The following NRG1 variants were observed in gnomAD, a reference collection of about 807,000 sequenced individuals.
NRG1 encodes neuregulin 1.
NRG1 carries 18 observed loss-of-function variants against 63.8 expected under a neutral mutation model. The observed-to-expected ratio is 0.28, with a 90% CI of 0.19 to 0.42. The LOEUF (loss-of-function observed/expected upper bound fraction) is 0.42. NRG1 is among the 10% of genes least tolerant of loss of function. The pLI is 1.00. For synonymous variants in NRG1, 302 were observed against 301.3 expected, an observed-to-expected ratio of 1.00 and a Z score of -0.02; for missense variants, 762 against 814.7, an observed-to-expected ratio of 0.94 and a Z score of 0.79.
chr8:32,549,353 G>T lies in NRG1; in HGVS notation c.100+527G>T, dbSNP rs1833686174. On this transcript the variant is annotated intron_variant, in intron 1 of 11. Transcript: ENST00000356819. ...GGGAAGTTAGCTTCGGCGTTTTGGG[G>T]CACAGGGCAAGCGATGTAGAGTGCG... 2.0e-5 allele frequency among the ~76,000 whole-genome samples: 3 copies of T among 152,232 alleles called. 1 individual carries two copies. The highest frequency in any genetic ancestry group is 7.2e-5 in the African/African-American group (3 of 41,468).
At chr8:32,062,979 A>G (rs1824138716) in intron 1 of NRG1, 1 of 152,102 alleles carries the variant, frequency 6.6e-6, no homozygotes, top group South Asian at 2.1e-4. Context: ...ACTACATGTG[A>G]GAAAGGTGGA....
At chr8:32,099,044 A>T (rs961426806) in intron 1 of NRG1, among the ~76,000 whole-genome samples, 1 of 152,340 alleles carries the variant, frequency 6.6e-6, no homozygotes, top group Admixed American at 6.5e-5. Context: ...GTGAGGAAAG[A>T]AAGCCATATT....
At chr8:32,055,057 T>A (rs958472036) in intron 1 of NRG1, among the ~76,000 whole-genome samples, 1 of 151,516 alleles carries the variant, frequency 6.6e-6, no homozygotes, top group Non-Finnish European at 1.5e-5. Flanking sequence ...CTGGCTAATT[T>A]TTTTGTATTT....
intron 1 of NRG1, among the ~76,000 whole-genome samples, chr8:32,470,555 C>A (rs895183261): frequency 6.6e-6 from 1 of 152,002 alleles, no homozygotes; most frequent in African/African-American, 2.4e-5. Context: ...GAGTTTCAAC[C>A]TTTTTATTCT....
chr8:32,616,526 T>C (rs1265014454), intron 4 of NRG1, among the ~76,000 whole-genome samples: 1 of 152,182 alleles, frequency 6.6e-6, no homozygotes, highest in Non-Finnish European at 1.5e-5. Flanking sequence ...ATTTTCTTTC[T>C]CACCTGTGGT....
chr8:32,761,051 T>G (rs1338487753), intron 11 of NRG1: 1 of 952,132 alleles, frequency 1.1e-6, no homozygotes, highest in Non-Finnish European at 1.3e-6. Flanking sequence ...GGCCCTTTAT[T>G]CCAGAATGTT....
In NRG1 at chr8:31,748,584, T is replaced by G. The variant is rs189188178; in HGVS notation, c.37+109153T>G. Among the ~76,000 whole-genome samples the G allele has an allele frequency of 3.1e-3, 473 of 152,028 alleles. 4 individuals carry two copies. The highest frequency in any genetic ancestry group is 9.9e-3 in the African/African-American group (411 of 41,530). On this transcript the variant is annotated intron_variant, in intron 1 of 10. Coordinates refer to the NRG1 transcript ENST00000519301. The stretch of plus-strand genomic sequence containing the variant: ...TAATATTATGGCTGACCTAGAGCAG[T>G]GACATTTTTAGTCCAAGACCTAGAT...
Position 32,735,612 on chromosome 8 carries a change from C to T in NRG1, c.633-7063C>T, listed in dbSNP as rs77972782. Reference sequence around the variant, plus strand: ...GAAAACCAAACCACAAATTAGCAGTCGATATGTCATTGTGTCACAATGACG... The same window carrying T: ...GAAAACCAAACCACAAATTAGCAGTTGATATGTCATTGTGTCACAATGACG... On this transcript the variant is annotated intron_variant, in intron 6 of 11. Coordinates refer to ENST00000356819, the Ensembl canonical transcript of NRG1. Among the ~76,000 whole-genome samples, 713 of 152,094 alleles carry T rather than the reference C, an allele frequency of 4.7e-3. 6 individuals carry two copies. The highest frequency in any genetic ancestry group is 0.016 in the African/African-American group (676 of 41,496).
chr8:31,869,794 C>A (rs969172645), intron 1 of NRG1, among the ~76,000 whole-genome samples: 1 of 152,168 alleles, frequency 6.6e-6, no homozygotes, highest in Non-Finnish European at 1.5e-5. Context: ...AAAAGCCCAT[C>A]AGGGCAGGTT....
chr8:32,069,812 G>A (rs1825483331), intron 1 of NRG1, among the ~76,000 whole-genome samples: 1 of 152,144 alleles, frequency 6.6e-6, no homozygotes, highest in African/African-American at 2.4e-5. Context: ...ACCTGAGAAT[G>A]ACTTTTCTAG....
In NRG1 at chr8:32,478,026, A is replaced by G. The variant is rs1419222190; in HGVS notation, c.38-117802A>G. Among the ~76,000 whole-genome samples the G allele has an allele frequency of 2.0e-5, 3 of 152,348 alleles. No homozygotes were observed. In the Middle Eastern group the frequency reaches 0.01, roughly 518 times the overall value. On this transcript the variant is annotated intron_variant, in intron 1 of 10. Transcript: ENST00000519301. Reference sequence around the variant, plus strand: ...AAATCACGACAGATAATAAATCTCTATATACTTCTCATCCTCTGGAACAAT... The same window carrying G: ...AAATCACGACAGATAATAAATCTCTGTATACTTCTCATCCTCTGGAACAAT...
chr8:32,712,015 TA>T (rs1425735802), intron 5 of NRG1, among the ~76,000 whole-genome samples: 8 of 152,146 alleles, frequency 5.3e-5, no homozygotes, highest in African/African-American at 1.9e-4. Context: ...GCGTAGGTAA[TA>T]ACTTATTATT....
intron 1 of NRG1, among the ~76,000 whole-genome samples, chr8:32,399,797 G>C (rs1812934283): frequency 6.6e-6 from 1 of 152,132 alleles, no homozygotes; most frequent in Admixed American, 6.5e-5. Context: ...CAAATATCAG[G>C]TATTATAGGG....
chr8:32,040,820 TA>T (rs561340379), intron 1 of NRG1, among the ~76,000 whole-genome samples: 45 of 137,698 alleles, frequency 3.3e-4, no homozygotes, highest in South Asian at 1.4e-3. Flanking sequence ...AGTACCAAGA[TA>T]TTTTTTTCAG....
intron 1 of NRG1, among the ~76,000 whole-genome samples, chr8:31,885,296 T>C (rs1249589341): frequency 6.6e-6 from 1 of 152,056 alleles, no homozygotes; most frequent in Non-Finnish European, 1.5e-5. Context: ...AAATGAATAG[T>C]TACTGGAGGA....
intron 1 of NRG1, among the ~76,000 whole-genome samples, chr8:32,008,314 C>A (rs143061560): frequency 6.0e-4 from 91 of 152,080 alleles, no homozygotes; most frequent in African/African-American, 2.0e-3. Flanking sequence ...GAGGCCCAGA[C>A]ACCAAGGAGC....
intron 1 of NRG1, among the ~76,000 whole-genome samples, chr8:32,390,808 C>A (rs914635603): frequency 6.6e-6 from 1 of 151,924 alleles, no homozygotes; most frequent in East Asian, 1.9e-4. Context: ...TATTCCCATT[C>A]GTAGTACCAG....
At chr8:32,514,038 C>CTAAG (rs1157533520) in intron 1 of NRG1, among the ~76,000 whole-genome samples, 1 of 152,092 alleles carries the variant, frequency 6.6e-6, no homozygotes, top group Non-Finnish European at 1.5e-5. Context: ...GGTTCATAAC[C>CTAAG]TAAGTATTTT....
chr8:32,238,461 C>A (rs1456177445), intron 1 of NRG1, among the ~76,000 whole-genome samples: 1 of 147,876 alleles, frequency 6.8e-6, no homozygotes, highest in Admixed American at 6.8e-5. Flanking sequence ...AAAAAAAAAA[C>A]CTTTAGGAAG....
Sources: gnomAD v4.1 joint callset for allele counts (sites outside exome capture counted in the v4.1 genomes callset) on GRCh38, gnomAD v4.1.1 for gene constraint, MANE v1.5 for transcripts, NCBI Gene and HGNC (gene_info 2026-07-23, HGNC 2026-07-21) for gene names.